Variants in SPAG17 observed in about 807,000 individuals in gnomAD.
SPAG17 encodes the protein sperm-associated antigen 17.
SPAG17 carries 169 observed loss-of-function variants against 273.6 expected under a neutral mutation model. The ratio of observed to expected loss-of-function variants is 0.62; its 90% CI spans 0.55 to 0.70. The LOEUF is 0.70. SPAG17 is among the 30% of genes least tolerant of loss of function. The pLI is 0.00. For missense variants in SPAG17, 2,557 were observed against 2,627.8 expected (o/e 0.97, Z 0.59); for synonymous variants, 825 against 873.2 (o/e 0.94, Z 0.97).
intron 38 of SPAG17, among the ~76,000 whole-genome samples, chr1:117,989,869 C>T (rs1218598074): frequency 6.6e-6 from 1 of 152,102 alleles, no homozygotes; most frequent in South Asian, 2.1e-4. Flanking sequence ...CAAGAGCCAC[C>T]AGGCCGGGCC....
intron 7 of SPAG17, 39 bp from the exon 8 acceptor site, chr1:118,093,356 T>TTA (rs1454802368): frequency 1.3e-6 from 2 of 1,564,882 alleles, no homozygotes; most frequent in Non-Finnish European, 1.7e-6. Context: ...GTTACTAGTT[T>TTA]TACACTGTTG....
In SPAG17 at chr1:117,991,857, G is replaced by A. The variant is rs140353644; in HGVS notation, c.5362-329C>T. Among the ~76,000 whole-genome samples, 1,406 of 152,122 alleles carry A rather than the reference G, an allele frequency of 9.2e-3. 22 individuals carry two copies. Among genetic ancestry groups the A allele is most frequent in the African/African-American group, 0.032 (1,312 of 41,510 alleles). On this transcript the variant is annotated intron_variant, in intron 36 of 48. Coordinates refer to ENST00000336338, the MANE Select transcript of SPAG17 (RefSeq NM_206996.4). ...TTAGATGATGTGTAGGATCCTTTCAGGTATAGTTTTTTTATTTTACCTGTA... is the reference window on the plus strand; with the variant it reads ...TTAGATGATGTGTAGGATCCTTTCAAGTATAGTTTTTTTATTTTACCTGTA...
chr1:118,061,815 G>A (rs976359551), intron 18 of SPAG17, among the ~76,000 whole-genome samples: 2 of 152,024 alleles, frequency 1.3e-5, no homozygotes. Context: ...TACTTATCAC[G>A]ATTTCTAAAG....
intron 10 of SPAG17, 44 bp from the exon 11 acceptor site, chr1:118,087,052 C>G: frequency 1.3e-6 from 2 of 1,520,428 alleles, no homozygotes; most frequent in South Asian, 2.7e-5. Context: ...AGGGTCCGCT[C>G]TTTAGTGATA....
intron 48 of SPAG17, chr1:117,960,213 A>G (rs1009788713): frequency 6.6e-5 from 10 of 151,624 alleles, no homozygotes; most frequent in African/African-American, 1.9e-4. Context: ...TGGTAGGGGC[A>G]CTGACCCACC....
chr1:118,147,655 T>C (rs1177115979), intron 3 of SPAG17, among the ~76,000 whole-genome samples: 3 of 152,214 alleles, frequency 2.0e-5, no homozygotes, highest in Admixed American at 1.3e-4. Context: ...GACTTTCATA[T>C]ATACAATGCC....
rs1655498185 is a variant in SPAG17 at position 118,093,216 on chromosome 1, A to G, written c.1113T>C (p.Leu371=). 6.2e-7 allele frequency: 1 copy of G among 1,613,708 alleles called. No homozygotes were observed. The highest frequency in any genetic ancestry group is 1.3e-5 in the African/African-American group (1 of 74,908). The part of the protein sequence containing the change: ...QHQHYLESMQ[L]INVPQVVNEK... ...CATTAACCACTTGTGGAACATTAAT[A>G]AGCTGCATGCTTTCCAAATAGTGCT... The change falls in exon 8 of 49, where the codon CTT becomes CTC. Residue 371 remains leucine (L), a synonymous_variant. Transcript: ENST00000336338.
intron 48 of SPAG17, chr1:117,959,525 T>G: frequency 7.1e-7 from 1 of 1,398,752 alleles, no homozygotes. Flanking sequence ...AGAGTTGGCG[T>G]CATCTTAAAA....
chr1:117,973,676 T>G, intron 43 of SPAG17, 115 bp from the exon 44 acceptor site: 1 of 909,998 alleles, frequency 1.1e-6, no homozygotes, highest in South Asian at 2.5e-5. Context: ...TTCTTTGCTT[T>G]TCAAAGAGCT....
chr1:118,180,265 T>C (rs952917370), intron 1 of SPAG17, among the ~76,000 whole-genome samples: 6 of 152,146 alleles, frequency 3.9e-5, no homozygotes, highest in Non-Finnish European at 8.8e-5. Context: ...GAAATACTAT[T>C]CAGCCATACA....
intron 15 of SPAG17, chr1:118,076,248 T>C (rs1654077623): frequency 6.6e-6 from 1 of 151,978 alleles, no homozygotes. Context: ...AAGAGTACCA[T>C]ATTTGGGCTT....
chr1:117,980,229 T>C (rs1655633499), intron 43 of SPAG17, among the ~76,000 whole-genome samples: 1 of 152,088 alleles, frequency 6.6e-6, no homozygotes, highest in Non-Finnish European at 1.5e-5. Context: ...TTTTTTCTTT[T>C]TTCTTTTCTT....
chr1:118,170,144 C>A (rs1041451106), intron 1 of SPAG17, among the ~76,000 whole-genome samples: 6 of 152,232 alleles, frequency 3.9e-5, no homozygotes, highest in African/African-American at 1.4e-4. Flanking sequence ...CCAAAACATA[C>A]ATTTCTTCAT....
rs748251114 is a variant in SPAG17, at chr1:118,081,527, C to T, written c.1878G>A (p.Gly626=). ...GTATGTTGAACATTTCAGAATCTGA[C>T]CCACACATCATCCCAGAAGGTTTCA... The part of the protein sequence containing the change: ...GKLKPSGMMC[G]SDSEMFNIPW... The change falls in exon 14 of 49, where the codon GGG becomes GGA. Residue 626 remains glycine, a synonymous_variant. Transcript: ENST00000336338. The T allele has an allele frequency of 2.5e-6, 4 of 1,613,872 alleles. No homozygotes were observed. Among genetic ancestry groups the T allele is most frequent in the Non-Finnish European group, 3.4e-6 (4 of 1,179,976 alleles).
chr1:117,976,312 G>T (rs144447578), intron 43 of SPAG17, among the ~76,000 whole-genome samples: 1 of 152,174 alleles, frequency 6.6e-6, no homozygotes, highest in Non-Finnish European at 1.5e-5. Context: ...TATTGCATTC[G>T]TCTGAATATT....
intron 3 of SPAG17, among the ~76,000 whole-genome samples, chr1:118,147,759 T>TA (rs1239352851): frequency 6.6e-6 from 1 of 152,216 alleles, no homozygotes; most frequent in Non-Finnish European, 1.5e-5. Flanking sequence ...AATGAAAACT[T>TA]GAGCAAATCA....
In SPAG17 at chr1:117,996,611, C is replaced by T; in HGVS notation, c.4909G>A (p.Glu1637Lys). Residue 1637 changes from glutamate (E) to lysine (K), a missense_variant, in exon 33 of 49, where the codon GAA (glutamate) becomes AAA (lysine). Coordinates refer to ENST00000336338, the MANE Select transcript of SPAG17 (RefSeq NM_206996.4). ...TTATTCTTTTACCTGGGGACATGTT[C>T]ACCATAGATTTGCTGATGATTCTTT... ...LEKNHQQIYG[E>K]HVPRFFVMYA... is the part of the protein sequence containing the mutation. 2 of 1,610,808 alleles carry T rather than the reference C, an allele frequency of 1.2e-6. No individual in the cohort carries two copies. Among genetic ancestry groups the T allele is most frequent in the Non-Finnish European group, 1.7e-6 (2 of 1,178,916 alleles).
intron 5 of SPAG17, among the ~76,000 whole-genome samples, chr1:118,100,131 T>C: frequency 6.6e-6 from 1 of 152,224 alleles, no homozygotes; most frequent in African/African-American, 2.4e-5. Flanking sequence ...TTTTGGGTTC[T>C]AATCTCTTTT....
intron 3 of SPAG17, among the ~76,000 whole-genome samples, chr1:118,149,730 C>G (rs1659269404): frequency 6.6e-6 from 1 of 152,164 alleles, no homozygotes; most frequent in Non-Finnish European, 1.5e-5. Flanking sequence ...CTTTATTAGT[C>G]ATCACTGAAA....
Sources: allele counts gnomAD v4.1 joint callset (sites outside exome capture counted in the v4.1 genomes callset), GRCh38; gene constraint gnomAD v4.1.1; transcripts MANE v1.5; gene names NCBI Gene and HGNC (gene_info 2026-07-23, HGNC 2026-07-21).